Variants in ERCC6L2 observed in about 807,000 individuals in gnomAD.
ERCC6L2 encodes the protein ERCC excision repair 6 like 2.
Under a neutral mutation model 132.0 loss-of-function variants are expected in ERCC6L2, and 77 were observed. That is an observed-to-expected ratio of 0.58 (90% CI 0.49 to 0.71). ERCC6L2 has a LOEUF of 0.71. ERCC6L2 is among the 30% of genes least tolerant of loss of function. The pLI is 0.00. For synonymous variants in ERCC6L2, 583 were observed against 632.4 expected (o/e 0.92, Z 1.17); for missense variants, 1,542 against 1,837.6 (o/e 0.84, Z 2.94).
At chr9:95,970,521 G>A (rs1832365085) in intron 14 of ERCC6L2, 55 bp from the exon 15 acceptor site, 3 of 1,077,080 alleles carry the variant, frequency 2.8e-6, no homozygotes, top group Non-Finnish European at 3.7e-6. Context: ...TTATCTGGTT[G>A]TTGCTACCCC....
At chr9:95,904,532 T>A (rs1392255534) in intron 3 of ERCC6L2, among the ~76,000 whole-genome samples, 1 of 152,188 alleles carries the variant, frequency 6.6e-6, no homozygotes, top group Non-Finnish European at 1.5e-5. Flanking sequence ...CTTACTTTGC[T>A]ACTTAATAGC....
intron 11 of ERCC6L2, among the ~76,000 whole-genome samples, chr9:95,940,027 G>C (rs1474414012): frequency 1.3e-5 from 2 of 152,256 alleles, no homozygotes; most frequent in East Asian, 3.9e-4. Flanking sequence ...CTTTACTACT[G>C]CTCCCACCTG....
At chr9:95,880,536 A>G (rs1827533136) in intron 1 of ERCC6L2, among the ~76,000 whole-genome samples, 1 of 152,168 alleles carries the variant, frequency 6.6e-6, no homozygotes, top group African/African-American at 2.4e-5. Flanking sequence ...AAACAAAACA[A>G]TAAAACCAGA....
intron 19 of ERCC6L2, among the ~76,000 whole-genome samples, chr9:96,030,715 A>AG (rs1208177798): frequency 6.6e-6 from 1 of 151,428 alleles, no homozygotes; most frequent in African/African-American, 2.4e-5. Context: ...AAAAAAAAAA[A>AG]AAAAAGCTGT....
intron 17 of ERCC6L2, among the ~76,000 whole-genome samples, chr9:95,985,412 C>A (rs1833059393): frequency 6.6e-6 from 1 of 152,242 alleles, no homozygotes; most frequent in Middle Eastern, 3.4e-3. Context: ...CTCTTTGCAC[C>A]ACAAGTTAAT....
chr9:95,960,894 G>C (rs1831870990), intron 13 of ERCC6L2, among the ~76,000 whole-genome samples: 1 of 152,088 alleles, frequency 6.6e-6, no homozygotes, highest in South Asian at 2.1e-4. Context: ...CACAAAGATA[G>C]ATTCTAGCCC....
At chr9:95,914,438 C>T (rs984948206) in intron 4 of ERCC6L2, among the ~76,000 whole-genome samples, 3 of 152,132 alleles carry the variant, frequency 2.0e-5, no homozygotes, top group African/African-American at 4.8e-5. Flanking sequence ...ACTACAACCT[C>T]TGACTCCCTG....
intron 17 of ERCC6L2, among the ~76,000 whole-genome samples, chr9:95,981,761 T>A (rs374866285): frequency 2.6e-4 from 39 of 152,308 alleles, no homozygotes; most frequent in Non-Finnish European, 5.1e-4. Context: ...CTGTTTGTGA[T>A]GTGATACCTC....
At chr9:95,922,551 G>A (rs1220682521) in intron 8 of ERCC6L2, 133 bp downstream of exon 8, 2 of 610,728 alleles carry the variant, frequency 3.3e-6, no homozygotes, top group Admixed American at 3.2e-5. Flanking sequence ...TTTAAATGTA[G>A]ATATCAAGGA....
At chr9:95,915,233 C>T (rs1242251684) in intron 4 of ERCC6L2, among the ~76,000 whole-genome samples, 3 of 152,128 alleles carry the variant, frequency 2.0e-5, no homozygotes, top group Admixed American at 1.3e-4. Flanking sequence ...ACTGGGGTAA[C>T]AATCAACTCT....
At chr9:95,994,088 T>C (rs1394140443) in intron 17 of ERCC6L2, among the ~76,000 whole-genome samples, 1 of 152,204 alleles carries the variant, frequency 6.6e-6, no homozygotes, top group Non-Finnish European at 1.5e-5. Flanking sequence ...CCTTGAATGA[T>C]GTTGAGGATT....
At chr9:96,036,333 T>G (rs1834518591) in intron 19 of ERCC6L2, among the ~76,000 whole-genome samples, 1 of 152,370 alleles carries the variant, frequency 6.6e-6, no homozygotes, top group African/African-American at 2.4e-5. Flanking sequence ...CTTAGCATAA[T>G]GTCCTCAAGG....
chr9:95,977,967 T>C, intron 16 of ERCC6L2, 94 bp from the exon 17 acceptor site: 1 of 782,638 alleles, frequency 1.3e-6, no homozygotes, highest in Non-Finnish European at 1.7e-6. Context: ...TGTTGATGTT[T>C]CTCTTGAGTA....
chr9:96,030,855 C>T lies in ERCC6L2; in HGVS notation c.*1504-8021C>T, dbSNP rs114683177. ...GCACACCTCATGTATTCAAGCCATC[C>T]GATCCTAAACCTTCTGAGCCTTCAT... On this transcript the variant is annotated intron_variant and NMD_transcript_variant, in intron 19 of 20. Coordinates refer to the ERCC6L2 transcript ENST00000670016. Among the ~76,000 whole-genome samples the T allele has an allele frequency of 9.0e-3, 1,372 of 152,290 alleles. 18 individuals are homozygous for T. Among genetic ancestry groups the T allele is most frequent in the African/African-American group, 0.031 (1,275 of 41,552 alleles).
chr9:96,009,034 A>T (rs1255151452), intron 18 of ERCC6L2, among the ~76,000 whole-genome samples: 6 of 152,348 alleles, frequency 3.9e-5, no homozygotes, highest in African/African-American at 1.2e-4. Flanking sequence ...CTTTCTCTCC[A>T]ACAATTGATC....
At chr9:95,965,138 G>T (rs1832093380) in intron 13 of ERCC6L2, among the ~76,000 whole-genome samples, 1 of 152,082 alleles carries the variant, frequency 6.6e-6, no homozygotes, top group South Asian at 2.1e-4. Flanking sequence ...TTCTTTAAAT[G>T]AAGGTCCCGA....
intron 16 of ERCC6L2, among the ~76,000 whole-genome samples, chr9:95,977,845 T>C (rs1055287627): frequency 2.6e-5 from 4 of 152,036 alleles, no homozygotes; most frequent in Non-Finnish European, 5.9e-5. Context: ...TTGTTACCTA[T>C]CAGTAGTTCT....
intron 19 of ERCC6L2, among the ~76,000 whole-genome samples, chr9:96,031,369 A>T (rs1165581630): frequency 6.6e-6 from 1 of 152,218 alleles, no homozygotes; most frequent in Non-Finnish European, 1.5e-5. Context: ...CTTCAGCCAC[A>T]GTCCGAATTG....
At chr9:95,960,615 A>T (rs544800504) in intron 13 of ERCC6L2, among the ~76,000 whole-genome samples, 2 of 152,176 alleles carry the variant, frequency 1.3e-5, no homozygotes, top group East Asian at 3.9e-4. Context: ...AAGAGTCAAG[A>T]AGTAGATTCT....
Sources: gnomAD v4.1 joint callset for allele counts (sites outside exome capture counted in the v4.1 genomes callset) on GRCh38, gnomAD v4.1.1 for gene constraint, MANE v1.5 for transcripts, NCBI Gene and HGNC (gene_info 2026-07-23, HGNC 2026-07-21) for gene names.